CLNK: variants seen among roughly 807,000 people sequenced by gnomAD.
The protein encoded by CLNK is cytokine dependent hematopoietic cell linker.
CLNK carries 74 observed loss-of-function variants against 68.6 expected under a neutral mutation model. That is an observed-to-expected ratio of 1.08 (90% CI 0.89 to 1.31). The LOEUF is 1.31. CLNK is among the 50% of genes most tolerant of loss of function. The pLI is 0.00. For synonymous variants in CLNK, 198 were observed against 172.2 expected (o/e 1.15, Z -1.17); for missense variants, 553 against 515.3 (o/e 1.07, Z -0.71).
chr4:10,507,007 G>C (rs370506668), intron 17 of CLNK, among the ~76,000 whole-genome samples: 1 of 151,492 alleles, frequency 6.6e-6, no homozygotes, highest in South Asian at 2.1e-4. Context: ...GGTTTTCACC[G>C]TGTTAGCCAG....
At chr4:10,678,183 C>T (rs577809932) in intron 1 of CLNK, among the ~76,000 whole-genome samples, 1 of 152,330 alleles carries the variant, frequency 6.6e-6, no homozygotes, top group African/African-American at 2.4e-5. Flanking sequence ...AATCTTTCAA[C>T]CCAGGTATGC....
chr4:10,509,877 G>A (rs1424183230), intron 16 of CLNK, among the ~76,000 whole-genome samples: 2 of 152,114 alleles, frequency 1.3e-5, no homozygotes, highest in African/African-American at 4.8e-5. Context: ...GAGAGGTAGT[G>A]CTGAAAAGGT....
chr4:10,626,302 C>T (rs891981041), intron 2 of CLNK, among the ~76,000 whole-genome samples: 1 of 152,148 alleles, frequency 6.6e-6, no homozygotes, highest in Non-Finnish European at 1.5e-5. Flanking sequence ...CAGACAGTTC[C>T]TCTCTCCCCT....
At chr4:10,496,476 G>A (rs565279971) in intron 18 of CLNK, among the ~76,000 whole-genome samples, 2 of 152,322 alleles carry the variant, frequency 1.3e-5, no homozygotes, top group South Asian at 2.1e-4. Context: ...ACAGGGCACA[G>A]CTCCCTCAGA....
intron 2 of CLNK, among the ~76,000 whole-genome samples, chr4:10,646,237 C>G (rs1723506247): frequency 6.6e-6 from 1 of 152,090 alleles, no homozygotes; most frequent in Admixed American, 6.5e-5. Flanking sequence ...TTATTATATA[C>G]CAATTAACAA....
chr4:10,704,153 T>C, the CLNK span, among the ~76,000 whole-genome samples: 1 of 151,788 alleles, frequency 6.6e-6, no homozygotes, highest in Non-Finnish European at 1.5e-5. Flanking sequence ...AAAAAGAACA[T>C]TCTAGAGAGA....
chr4:10,623,336 C>G (rs1722535339), intron 2 of CLNK, among the ~76,000 whole-genome samples: 1 of 152,164 alleles, frequency 6.6e-6, no homozygotes, highest in Non-Finnish European at 1.5e-5. Context: ...ATAGGATGCT[C>G]TTTTAATAAA....
rs527503591 is a variant in CLNK, at chr4:10,622,077, T to C, written c.12-24028A>G. 2.0e-5 allele frequency among the ~76,000 whole-genome samples: 3 copies of C among 152,194 alleles called. No homozygotes were observed. The East Asian group carries it at 5.8e-4, about 29-fold the overall frequency. On this transcript the variant is annotated intron_variant, in intron 2 of 18. Coordinates refer to ENST00000226951, the MANE Select transcript of CLNK (RefSeq NM_052964.4). ...GGCTGCTTAGAGACTAAGAAAAAAG[T>C]TTTTGTTTGGAAATTTGAGTTCTTA...
the CLNK span, among the ~76,000 whole-genome samples, chr4:10,732,206 C>T: frequency 1.3e-5 from 2 of 152,128 alleles, no homozygotes; most frequent in Non-Finnish European, 2.9e-5. Context: ...TTAATAATAG[C>T]TCTGTTGAAC....
intron 2 of CLNK, among the ~76,000 whole-genome samples, chr4:10,648,216 T>C (rs1723589425): frequency 6.6e-6 from 1 of 152,214 alleles, no homozygotes; most frequent in African/African-American, 2.4e-5. Context: ...ACCTTTCCCA[T>C]GTACTATCTC....
the CLNK span, among the ~76,000 whole-genome samples, chr4:10,704,280 C>T: frequency 4.3e-4 from 66 of 152,150 alleles, no homozygotes; most frequent in Admixed American, 1.0e-3. Context: ...AATGCCATTT[C>T]GGGAAATTAT....
At chr4:10,703,886 A>G in the CLNK span, among the ~76,000 whole-genome samples, 1 of 152,230 alleles carries the variant, frequency 6.6e-6, no homozygotes, top group African/African-American at 2.4e-5. Flanking sequence ...ACTGTTGTAT[A>G]TGCAGTCTGT....
intron 2 of CLNK, among the ~76,000 whole-genome samples, chr4:10,615,395 A>T (rs1722189370): frequency 6.6e-6 from 1 of 151,982 alleles, no homozygotes; most frequent in Non-Finnish European, 1.5e-5. Context: ...GAGGAAGGAG[A>T]ATCGCTTGAA....
At chr4:10,672,847 G>A (rs1724705437) in intron 1 of CLNK, among the ~76,000 whole-genome samples, 1 of 152,152 alleles carries the variant, frequency 6.6e-6, no homozygotes, top group Non-Finnish European at 1.5e-5. Context: ...CAGCTTGTCA[G>A]TGAACACACC....
chr4:10,497,105 T>C (rs1716840738), intron 18 of CLNK, among the ~76,000 whole-genome samples: 1 of 152,230 alleles, frequency 6.6e-6, no homozygotes, highest in African/African-American at 2.4e-5. Flanking sequence ...TGCCGTTTAC[T>C]AGCTGTGACT....
At chr4:10,595,231 C>CCTAT (rs1304613584) in intron 3 of CLNK, among the ~76,000 whole-genome samples, 2 of 152,270 alleles carry the variant, frequency 1.3e-5, no homozygotes, top group Non-Finnish European at 2.9e-5. Flanking sequence ...ACTATTTTTC[C>CCTAT]CTATCTGTAA....
At chr4:10,619,720 TAGAA>T (rs1722359509) in intron 2 of CLNK, among the ~76,000 whole-genome samples, 1 of 152,150 alleles carries the variant, frequency 6.6e-6, no homozygotes, top group Non-Finnish European at 1.5e-5. Context: ...CAGCAACAAA[TAGAA>T]AGGCGGTCAG....
At chr4:10,626,141 C>A (rs1722663548) in intron 2 of CLNK, among the ~76,000 whole-genome samples, 1 of 152,198 alleles carries the variant, frequency 6.6e-6, no homozygotes, top group South Asian at 2.1e-4. Flanking sequence ...TGTGCAGTGT[C>A]CGCCTGCCCA....
intron 2 of CLNK, among the ~76,000 whole-genome samples, chr4:10,665,550 G>A (rs1377482099): frequency 6.6e-6 from 1 of 151,448 alleles, no homozygotes; most frequent in Non-Finnish European, 1.5e-5. Flanking sequence ...TGTAATCCCA[G>A]CTACTCGGGA....
Sources: gnomAD v4.1 joint callset for allele counts (sites outside exome capture counted in the v4.1 genomes callset) on GRCh38, gnomAD v4.1.1 for gene constraint, MANE v1.5 for transcripts, NCBI Gene and HGNC (gene_info 2026-07-23, HGNC 2026-07-21) for gene names.